The following ACTL8 variants were observed in gnomAD, a reference collection of about 807,000 sequenced individuals.
The protein encoded by ACTL8 is actin like 8.
Under a neutral mutation model 9.3 loss-of-function variants are expected in ACTL8, and 3 were observed. The observed-to-expected ratio is 0.32, with a 90% CI of 0.15 to 0.83. ACTL8 has a LOEUF of 0.83. ACTL8 is among the 40% of genes least tolerant of loss of function. The pLI is 0.57. For synonymous variants in ACTL8, 224 were observed against 205.9 expected (o/e 1.09, Z -0.75); for missense variants, 381 against 492.2 (o/e 0.77, Z 2.14).
chr1:17,762,244 C>CT (rs1455530639), intron 1 of ACTL8, among the ~76,000 whole-genome samples: 1 of 151,858 alleles, frequency 6.6e-6, no homozygotes, highest in East Asian at 1.9e-4. Context: ...ATATAGGGCT[C>CT]CGGGGCCTGA....
intron 1 of ACTL8, among the ~76,000 whole-genome samples, chr1:17,817,042 G>GTT: frequency 6.6e-6 from 1 of 151,878 alleles, no homozygotes; most frequent in East Asian, 1.9e-4. Flanking sequence ...AGGTTGTTGG[G>GTT]TTTTTTGTTT....
chr1:17,801,405 T>C (rs2066321800), intron 1 of ACTL8, among the ~76,000 whole-genome samples: 1 of 152,220 alleles, frequency 6.6e-6, no homozygotes, highest in South Asian at 2.1e-4. Context: ...GAAATATACG[T>C]TGATAAAGAT....
At chr1:17,788,147 T>G (rs1258960786) in intron 1 of ACTL8, among the ~76,000 whole-genome samples, 1 of 152,238 alleles carries the variant, frequency 6.6e-6, no homozygotes, top group African/African-American at 2.4e-5. Context: ...TCAACCCTCT[T>G]TTTGCCTTCT....
In ACTL8 at chr1:17,798,205, A is replaced by G. The variant is rs185239010; in HGVS notation, c.-24-24780A>G. Reference sequence around the variant, plus strand: ...GCTCTGCCTTCCCTTTTCCTGAAATATGCAGTGGGAGTGCTGCAGGGTGTG... The same window carrying G: ...GCTCTGCCTTCCCTTTTCCTGAAATGTGCAGTGGGAGTGCTGCAGGGTGTG... On this transcript the variant is annotated intron_variant, in intron 1 of 2. Coordinates refer to ENST00000375406, the MANE Select transcript of ACTL8 (RefSeq NM_030812.3). Among the ~76,000 whole-genome samples, 304 of 122,924 alleles carry G rather than the reference A, an allele frequency of 2.5e-3. 2 individuals carry two copies. Among genetic ancestry groups the G allele is most frequent in the African/African-American group, 9.3e-3 (288 of 30,924 alleles). The allele number at this position is 122,924 out of a possible 152,430, so 80.6% of individuals were successfully genotyped here.
intron 1 of ACTL8, among the ~76,000 whole-genome samples, chr1:17,773,630 T>G (rs1304477319): frequency 3.3e-5 from 5 of 152,182 alleles, no homozygotes; most frequent in African/African-American, 9.7e-5. Context: ...CAATTTAGCC[T>G]GATGAAGAGG....
At chr1:17,759,885 A>G (rs1488828628) in intron 1 of ACTL8, among the ~76,000 whole-genome samples, 1 of 152,178 alleles carries the variant, frequency 6.6e-6, no homozygotes, top group African/African-American at 2.4e-5. Flanking sequence ...TATTCTTCAG[A>G]GTTCCCTTTA....
chr1:17,810,667 G>A (rs1277167388), intron 1 of ACTL8, among the ~76,000 whole-genome samples: 1 of 152,080 alleles, frequency 6.6e-6, no homozygotes, highest in Non-Finnish European at 1.5e-5. Context: ...CTCCAGTCCT[G>A]TATAGTTAAC....
chr1:17,759,249 A>G (rs1195210473), intron 1 of ACTL8, among the ~76,000 whole-genome samples: 1 of 152,244 alleles, frequency 6.6e-6, no homozygotes, highest in Non-Finnish European at 1.5e-5. Context: ...CTGTCCAGGC[A>G]GCAAGCTGGG....
intron 2 of ACTL8, among the ~76,000 whole-genome samples, chr1:17,824,036 A>G (rs1177427829): frequency 6.6e-6 from 1 of 152,200 alleles, no homozygotes; most frequent in Non-Finnish European, 1.5e-5. Context: ...AAATGGGATC[A>G]TGGTGGACTG....
intron 1 of ACTL8, among the ~76,000 whole-genome samples, chr1:17,795,973 G>A (rs2066273958): frequency 6.6e-6 from 1 of 152,174 alleles, no homozygotes; most frequent in Admixed American, 6.5e-5. Flanking sequence ...TTTCTGCCAG[G>A]GCTGAACCCT....
chr1:17,802,452 T>TGTGTGTGTGTG (rs2066328445), intron 1 of ACTL8, among the ~76,000 whole-genome samples: 3 of 147,540 alleles, frequency 2.0e-5, no homozygotes, highest in African/African-American at 7.5e-5. Context: ...TGTGTGTGTG[T>TGTGTGTGTGTG]TGGAGGGCAG....
intron 1 of ACTL8, among the ~76,000 whole-genome samples, chr1:17,797,230 A>T (rs1420573526): frequency 2.0e-5 from 3 of 152,106 alleles, no homozygotes; most frequent in African/African-American, 7.2e-5. Context: ...AGCAGCTGCC[A>T]CCTGCTAGGG....
intron 1 of ACTL8, among the ~76,000 whole-genome samples, chr1:17,810,445 T>C (rs2066386330): frequency 6.6e-6 from 1 of 152,222 alleles, no homozygotes; most frequent in South Asian, 2.1e-4. Flanking sequence ...AACATAGTGA[T>C]CAAACACAGG....
At chr1:17,800,583 C>CTTTTTTTTTTTTTTTTTTTTTTTTTTTTT (rs59143238) in intron 1 of ACTL8, among the ~76,000 whole-genome samples, 1 of 69,168 alleles carries the variant, frequency 1.4e-5, no homozygotes, top group African/African-American at 6.5e-5. Context: ...TGGTGTCAAT[C>CTTTTTTTTTTTTTTTTTTTTTTTTTTTTT]TTTTTTTTTT....
In ACTL8 at chr1:17,825,911, C is replaced by G. The variant is rs377195377; in HGVS notation, c.493C>G (p.Pro165Ala). 2 of 1,613,044 alleles carry G rather than the reference C, an allele frequency of 1.2e-6. No homozygotes were observed. Among genetic ancestry groups the G allele is most frequent in the Non-Finnish European group, 1.7e-6 (2 of 1,180,026 alleles). The change falls in exon 3 of 3, where the codon CCC (proline) becomes GCC (alanine). Residue 165 changes from proline to alanine, a missense_variant. Pro to Ala is a conservative substitution (Grantham distance 27). This residue lies in a region of ACTL8 where 243 missense variants were observed against 276.2 expected (regional missense o/e 0.88). Transcript: ENST00000375406. ...CGTGCAGCCTTTCCACCAGGGCCGC[C>G]CCTTGCCCGCCAGCGGCAAGACGCT... is the stretch of plus-strand genomic sequence containing the variant. ...TRVQPFHQGR[P>A]LPASGKTLEF...
rs547461686 is a variant in ACTL8, at chr1:17,764,784, C to T, written c.-25+9280C>T. On this transcript the variant is annotated intron_variant, in intron 1 of 2. Coordinates refer to ENST00000375406, the MANE Select transcript of ACTL8 (RefSeq NM_030812.3). ...CTCCAGCGTTGCCTGCCTGGCTCCC[C>T]GGGGGAGTTCACGCAGAAACTGATG... 4.6e-5 allele frequency among the ~76,000 whole-genome samples: 7 copies of T among 152,328 alleles called. No individual in the cohort carries two copies. In the East Asian group the frequency reaches 7.7e-4, roughly 17 times the overall value.
At chr1:17,815,655 T>G (rs2066421395) in intron 1 of ACTL8, among the ~76,000 whole-genome samples, 1 of 152,222 alleles carries the variant, frequency 6.6e-6, no homozygotes, top group Non-Finnish European at 1.5e-5. Flanking sequence ...TTCTTTGAAT[T>G]TATTTTCTAT....
chr1:17,797,313 C>A (rs1287771275), intron 1 of ACTL8, among the ~76,000 whole-genome samples: 2 of 152,186 alleles, frequency 1.3e-5, no homozygotes, highest in Non-Finnish European at 2.9e-5. Context: ...TGCATGGTAG[C>A]TATTAGTCAT....
chr1:17,812,762 G>A (rs1435959004), intron 1 of ACTL8, among the ~76,000 whole-genome samples: 1 of 151,894 alleles, frequency 6.6e-6, no homozygotes, highest in Non-Finnish European at 1.5e-5. Flanking sequence ...CAAATTGCTG[G>A]GATTACAGGC....
Sources: gnomAD v4.1 joint callset for allele counts (sites outside exome capture counted in the v4.1 genomes callset) on GRCh38, gnomAD v4.1.1 for gene constraint, gnomAD v4.1.1 regional missense constraint, MANE v1.5 for transcripts, NCBI Gene and HGNC (gene_info 2026-07-23, HGNC 2026-07-21) for gene names.